Variants in LEF1 observed in about 807,000 individuals in gnomAD.
LEF1 encodes the protein lymphoid enhancer binding factor 1.
A neutral mutation model predicts 51.2 loss-of-function variants in LEF1; 14 were observed. The ratio of observed to expected loss-of-function variants is 0.27; its 90% CI spans 0.18 to 0.43. LEF1 has a LOEUF of 0.43. LEF1 is among the 20% of genes least tolerant of loss of function. The probability of loss-of-function intolerance (pLI) is 1.00; values close to 1 mark genes in which losing one functional copy is unlikely to be tolerated. For synonymous variants in LEF1, 185 were observed against 183.2 expected (o/e 1.01, Z -0.08); for missense variants, 386 against 512.0 (o/e 0.75, Z 2.37).
At chr4:108,051,745 C>G (rs569107076) in intron 11 of LEF1, among the ~76,000 whole-genome samples, 53 of 152,148 alleles carry the variant, frequency 3.5e-4, no homozygotes, top group Non-Finnish European at 6.5e-4. Flanking sequence ...ACCGAACCCC[C>G]CTGATGCTCT....
rs563495284 is a variant in LEF1, at chr4:108,104,663, T to C, written c.415-15406A>G. The C allele has an allele frequency of 3.9e-4, 380 of 984,042 alleles. 2 individuals carry two copies. The African/African-American group carries it at 6.1e-3, about 16-fold the overall frequency. The allele number at this position is 984,042 out of a possible 1,614,324, so 61.0% of individuals were successfully genotyped here. A position where few individuals can be genotyped will look rare whatever the true frequency, so the allele number is the denominator to read the frequency against. ...AGGCAGACAGGTGACACCCAAACTATCGTATGAAGGACATACCTATGAATG... is the reference window on the plus strand; with the variant it reads ...AGGCAGACAGGTGACACCCAAACTACCGTATGAAGGACATACCTATGAATG... On this transcript the variant is annotated intron_variant, in intron 3 of 11. Coordinates refer to ENST00000265165, the MANE Select transcript of LEF1 (RefSeq NM_016269.5).
At chr4:108,141,414 G>A (rs1743642095) in intron 3 of LEF1, among the ~76,000 whole-genome samples, 1 of 151,928 alleles carries the variant, frequency 6.6e-6, no homozygotes, top group Middle Eastern at 3.2e-3. Context: ...GTCTATAATT[G>A]TCATCGAGAT....
At chr4:108,147,055 G>A (rs947866194) in intron 3 of LEF1, among the ~76,000 whole-genome samples, 1 of 152,134 alleles carries the variant, frequency 6.6e-6, no homozygotes, top group Admixed American at 6.5e-5. Context: ...TTGAGCCTAG[G>A]AGGTTGAGGC....
chr4:108,064,269 T>C (rs1238687758), intron 10 of LEF1, 67 bp downstream of exon 10: 2 of 1,066,664 alleles, frequency 1.9e-6, no homozygotes, highest in South Asian at 1.3e-5. Flanking sequence ...TGTAGAGAGA[T>C]GCAAACTGCC....
At chr4:108,165,332 C>T (rs1418127766) in intron 1 of LEF1, 169 bp from the exon 2 acceptor site, 15 of 547,366 alleles carry the variant, frequency 2.7e-5, no homozygotes, top group East Asian at 2.4e-4. Context: ...TAATCCTTTT[C>T]TTGTCAACAT....
intron 8 of LEF1, among the ~76,000 whole-genome samples, chr4:108,076,146 G>GT (rs1191686396): frequency 6.6e-6 from 1 of 152,098 alleles, no homozygotes; most frequent in Non-Finnish European, 1.5e-5. Flanking sequence ...CTTAAATACA[G>GT]TTTCCTCAGA....
chr4:108,105,709 G>C (rs1344325432), intron 3 of LEF1, among the ~76,000 whole-genome samples: 1 of 152,086 alleles, frequency 6.6e-6, no homozygotes, highest in Non-Finnish European at 1.5e-5. Context: ...AAATTCTTAT[G>C]ATAGAGCAAT....
At chr4:108,150,499 C>T (rs957522530) in intron 3 of LEF1, among the ~76,000 whole-genome samples, 1 of 152,082 alleles carries the variant, frequency 6.6e-6, no homozygotes, top group Non-Finnish European at 1.5e-5. Context: ...TTGAATGAAC[C>T]AGAAGACAAT....
At chr4:108,104,432 T>C (rs962089662) in intron 3 of LEF1, among the ~76,000 whole-genome samples, 1 of 147,938 alleles carries the variant, frequency 6.8e-6, no homozygotes, top group African/African-American at 2.5e-5. Flanking sequence ...AATTTATATA[T>C]ATATAAAAAT....
intron 1 of LEF1, chr4:108,166,883 G>A: frequency 1.1e-6 from 1 of 903,182 alleles, no homozygotes; most frequent in African/African-American, 1.8e-5. Flanking sequence ...GCGGTGGGTC[G>A]GCTCGGCGCA....
At chr4:108,135,702 C>T (rs982375874) in intron 3 of LEF1, among the ~76,000 whole-genome samples, 68 of 152,166 alleles carry the variant, frequency 4.5e-4, no homozygotes, top group Non-Finnish European at 4.4e-5. Context: ...CTGAGTGACA[C>T]TTCAATGGCC....
chr4:108,052,741 C>G (rs1737084010), intron 11 of LEF1, among the ~76,000 whole-genome samples: 1 of 152,098 alleles, frequency 6.6e-6, no homozygotes, highest in Non-Finnish European at 1.5e-5. Context: ...TGGGCTGTTC[C>G]CCAGGCCTCC....
chr4:108,135,226 G>A (rs1316730355), intron 3 of LEF1, among the ~76,000 whole-genome samples: 2 of 152,166 alleles, frequency 1.3e-5, no homozygotes, highest in Non-Finnish European at 2.9e-5. Context: ...CCAGAATGAG[G>A]GAAGCTACAG....
At chr4:108,070,823 C>T (rs2276335) in intron 8 of LEF1, 53 bp from the exon 9 acceptor site, 1,014,070 of 1,119,268 alleles carry the variant, frequency 0.91, 460,891 homozygotes, top group East Asian at 0.96. Flanking sequence ...ATAGCAATAG[C>T]ATATTTTATG....
chr4:108,083,513 A>G lies in LEF1; in HGVS notation c.548-67T>C, dbSNP rs1739452138. ...GATATTTAACCAGAAATGCAACTAC[A>G]TGTTTTATACCATTCATACTTAAGG... is the stretch of plus-strand genomic sequence containing the variant. On this transcript the variant is annotated intron_variant, in intron 4 of 11. Coordinates refer to ENST00000265165, the MANE Select transcript of LEF1 (RefSeq NM_016269.5). 6.1e-6 allele frequency: 6 copies of G among 986,376 alleles called. No individual in the cohort carries two copies. In the Admixed American group the frequency reaches 1.3e-4, roughly 21 times the overall value. The allele number at this position is 986,376 out of a possible 1,614,324, so 61.1% of individuals were successfully genotyped here.
intron 2 of LEF1, among the ~76,000 whole-genome samples, chr4:108,164,068 T>C (rs1475729606): frequency 1.3e-5 from 2 of 152,202 alleles, no homozygotes; most frequent in Non-Finnish European, 2.9e-5. Flanking sequence ...TTAGGCCATC[T>C]AGCTACACAC....
intron 1 of LEF1, among the ~76,000 whole-genome samples, chr4:108,165,908 C>T (rs1175234833): frequency 6.6e-6 from 1 of 152,206 alleles, no homozygotes; most frequent in Non-Finnish European, 1.5e-5. Flanking sequence ...CCACTTAACA[C>T]CCGAGTGCTC....
At chr4:108,160,901 C>G (rs371789382) in intron 3 of LEF1, among the ~76,000 whole-genome samples, 2 of 152,120 alleles carry the variant, frequency 1.3e-5, no homozygotes, top group East Asian at 1.9e-4. Flanking sequence ...AGGTCCCTCC[C>G]CCACCCCAGG....
intron 8 of LEF1, among the ~76,000 whole-genome samples, chr4:108,075,997 G>A (rs62312240): frequency 0.045 from 6,461 of 142,256 alleles, 166 homozygotes; most frequent in Non-Finnish European, 0.064. Flanking sequence ...TTGCCAGGAC[G>A]GTCCCCCAAA....
Sources: gnomAD v4.1 joint callset for allele counts (sites outside exome capture counted in the v4.1 genomes callset) on GRCh38, gnomAD v4.1.1 for gene constraint, MANE v1.5 for transcripts, NCBI Gene and HGNC (gene_info 2026-07-23, HGNC 2026-07-21) for gene names.